LSAMP: variants seen among roughly 807,000 people sequenced by gnomAD.
The protein encoded by LSAMP is limbic system-associated membrane protein.
A neutral mutation model predicts 38.6 loss-of-function variants in LSAMP; 7 were observed. That is an observed-to-expected ratio of 0.18 (90% confidence interval 0.10 to 0.34). The LOEUF (loss-of-function observed/expected upper bound fraction) is 0.34, where lower values mean the gene tolerates loss of function less well. Ranked by LOEUF, LSAMP falls within the 10% of genes least tolerant of loss-of-function variation. The pLI is 1.00. For synonymous variants in LSAMP, 154 were observed against 166.8 expected (o/e 0.92, Z 0.59); for missense variants, 313 against 420.0 (o/e 0.75, Z 2.23).
chr3:116,086,139 C>T (rs1361122587), intron 2 of LSAMP, among the ~76,000 whole-genome samples, 185 bp downstream of exon 2: 1 of 152,138 alleles, frequency 6.6e-6, no homozygotes, highest in East Asian at 1.9e-4. Context: ...AACAGGAGTA[C>T]ACTCTCTATA....
intron 3 of LSAMP, among the ~76,000 whole-genome samples, chr3:115,888,034 T>C (rs1936501192): frequency 6.6e-6 from 1 of 151,958 alleles, no homozygotes; most frequent in Non-Finnish European, 1.5e-5. Flanking sequence ...TGATACCTCA[T>C]CTTGTCACTG....
chr3:116,407,854 C>G (rs2048917141), intron 1 of LSAMP, among the ~76,000 whole-genome samples: 1 of 151,978 alleles, frequency 6.6e-6, no homozygotes, highest in Admixed American at 6.6e-5. Context: ...CCAAGTGGAC[C>G]AATTCTTGTG....
intron 1 of LSAMP, among the ~76,000 whole-genome samples, chr3:116,124,522 A>T (rs954624234): frequency 1.2e-4 from 18 of 152,366 alleles, no homozygotes; most frequent in Non-Finnish European, 1.9e-4. Context: ...AGCATTTTAA[A>T]TTCATTAAAA....
At chr3:115,925,638 A>T (rs1937481784) in intron 3 of LSAMP, among the ~76,000 whole-genome samples, 1 of 152,198 alleles carries the variant, frequency 6.6e-6, no homozygotes, top group Non-Finnish European at 1.5e-5. Context: ...GAGTGTAACT[A>T]ATATGAACTG....
chr3:116,185,030 CTTT>C (rs368314567), intron 1 of LSAMP, among the ~76,000 whole-genome samples: 6 of 117,766 alleles, frequency 5.1e-5, no homozygotes, highest in African/African-American at 1.9e-4. Flanking sequence ...TTCTTTCTTT[CTTT>C]TTTTTTTTTT....
chr3:116,224,105 C>T (rs41434548), intron 1 of LSAMP, among the ~76,000 whole-genome samples: 14,184 of 152,062 alleles, frequency 0.093, 936 homozygotes, highest in African/African-American at 0.19. Flanking sequence ...AGATTGTGCT[C>T]TCTGCTGCTT....
chr3:116,113,029 A>G (rs976709639), intron 1 of LSAMP, among the ~76,000 whole-genome samples: 3 of 152,112 alleles, frequency 2.0e-5, no homozygotes, highest in South Asian at 2.1e-4. Flanking sequence ...TCTACAACAA[A>G]TAATAAGTAA....
At chr3:115,881,700 T>C (rs1936328318) in intron 3 of LSAMP, among the ~76,000 whole-genome samples, 2 of 152,142 alleles carry the variant, frequency 1.3e-5, no homozygotes, top group African/African-American at 4.8e-5. Flanking sequence ...TTGAATAAGA[T>C]TCATTGCCAT....
intron 1 of LSAMP, among the ~76,000 whole-genome samples, chr3:116,157,765 C>T (rs1709788719): frequency 6.6e-6 from 1 of 151,956 alleles, no homozygotes; most frequent in Admixed American, 6.6e-5. Context: ...CAGCCAAATT[C>T]TACTAGATAT....
intron 3 of LSAMP, among the ~76,000 whole-genome samples, chr3:115,999,307 C>T (rs1459649103): frequency 1.3e-5 from 2 of 152,104 alleles, no homozygotes; most frequent in Admixed American, 1.3e-4. Context: ...CAGTGTTCCC[C>T]TTGTCTTTAT....
intron 6 of LSAMP, among the ~76,000 whole-genome samples, chr3:115,818,960 G>A (rs1448740425): frequency 1.4e-5 from 2 of 148,068 alleles, no homozygotes; most frequent in East Asian, 2.1e-4. Context: ...GGGAGTTTGA[G>A]GCCAGCCTGG....
intron 3 of LSAMP, among the ~76,000 whole-genome samples, chr3:115,924,482 A>G (rs1937454511): frequency 6.6e-6 from 1 of 152,226 alleles, no homozygotes; most frequent in African/African-American, 2.4e-5. Context: ...GGGACCTTAA[A>G]TATTGTCCAA....
At chr3:115,818,130 C>T (rs1036024662) in intron 6 of LSAMP, among the ~76,000 whole-genome samples, 1 of 152,086 alleles carries the variant, frequency 6.6e-6, no homozygotes, top group African/African-American at 2.4e-5. Flanking sequence ...TCCACAATAC[C>T]CCTTTGGCAG....
intron 1 of LSAMP, among the ~76,000 whole-genome samples, chr3:116,206,262 T>C (rs1192720287): frequency 6.7e-6 from 1 of 149,724 alleles, no homozygotes; most frequent in East Asian, 2.0e-4. Flanking sequence ...CCCTTTATCA[T>C]TTTTTATTGT....
intron 4 of LSAMP, 72 bp downstream of exon 4, chr3:115,852,411 A>C (rs898088993): frequency 1.3e-6 from 2 of 1,484,550 alleles, no homozygotes; most frequent in Admixed American, 2.3e-5. Flanking sequence ...TTGCTAATGG[A>C]ATCTTTAGAG....
chr3:116,400,626 T>G lies in LSAMP; in HGVS notation c.155+44251A>C, dbSNP rs145376534. Among the ~76,000 whole-genome samples the G allele has an allele frequency of 2.0e-4, 31 of 152,140 alleles. No individual in the cohort carries two copies. In the East Asian group the frequency reaches 6.0e-3, roughly 30 times the overall value. ...CCAAGTAGCTGGAATTACAGGGAAC[T>G]GCCACCACAACTTGTTAATTTTTGT... On this transcript the variant is annotated intron_variant, in intron 1 of 6. Transcript: ENST00000490035.
chr3:115,925,143 T>TG (rs34173272), intron 3 of LSAMP, among the ~76,000 whole-genome samples: 5 of 152,026 alleles, frequency 3.3e-5, no homozygotes, highest in Admixed American at 1.3e-4. Context: ...TTCCTAGGCC[T>TG]GGGGGGTGAA....
At chr3:115,839,200 T>C (rs2107498797) in intron 6 of LSAMP, among the ~76,000 whole-genome samples, 1 of 152,192 alleles carries the variant, frequency 6.6e-6, no homozygotes, top group South Asian at 2.1e-4. Context: ...CGTGTACTGT[T>C]ATCTTTTCCC....
chr3:115,902,104 A>G (rs1388604623), intron 3 of LSAMP, among the ~76,000 whole-genome samples: 1 of 152,124 alleles, frequency 6.6e-6, no homozygotes, highest in Admixed American at 6.6e-5. Flanking sequence ...TTTTAGTTAA[A>G]GCAGATGTTA....
Sources: allele counts gnomAD v4.1 joint callset (sites outside exome capture counted in the v4.1 genomes callset), GRCh38; gene constraint gnomAD v4.1.1; transcripts MANE v1.5; gene names NCBI Gene and HGNC (gene_info 2026-07-23, HGNC 2026-07-21).